CSK: variants seen among roughly 807,000 people sequenced by gnomAD.
CSK encodes the protein tyrosine-protein kinase CSK.
Under a neutral mutation model 62.3 loss-of-function variants are expected in CSK, and 7 were observed. The ratio of observed to expected loss-of-function variants is 0.11; its 90% CI spans 0.06 to 0.21. CSK has a LOEUF of 0.21. CSK is among the 10% of genes least tolerant of loss of function. The pLI, the probability that CSK is intolerant of heterozygous loss-of-function variation, is 1.00. For missense variants in CSK, 294 were observed against 613.5 expected, an observed-to-expected ratio of 0.48 and a Z score of 5.50; for synonymous variants, 237 against 246.0, an observed-to-expected ratio of 0.96 and a Z score of 0.34.
chr15:74,791,377 C>G (rs1422410127), intron 1 of CSK, among the ~76,000 whole-genome samples: 1 of 152,138 alleles, frequency 6.6e-6, no homozygotes, highest in East Asian at 1.9e-4. Flanking sequence ...CACATTTACT[C>G]TATCTCTTCT....
At chr15:74,796,770 GAAAACCAACCCCAGAGGTCCC>G (rs2063713143) in intron 1 of CSK, among the ~76,000 whole-genome samples, 1 of 152,106 alleles carries the variant, frequency 6.6e-6, no homozygotes. Flanking sequence ...CAGACAGTCT[GAAAACCAACCCCAGAGGTCCC>G]CTTGCATTCC....
chr15:74,798,856 G>T lies in CSK; in HGVS notation c.160G>T (p.Val54Leu), dbSNP rs745947125. 6.3e-7 allele frequency: 1 copy of T among 1,583,480 alleles called. No homozygotes were observed. The highest frequency in any genetic ancestry group is 2.2e-5 in the East Asian group (1 of 44,650). The change falls in exon 4 of 13, where the codon GTG (valine) becomes TTG (leucine). Residue 54 changes from valine (V) to leucine (L), a missense_variant. This residue lies in a region of CSK where 202 missense variants were observed against 415.7 expected (regional missense o/e 0.49). Coordinates refer to ENST00000220003, the MANE Select transcript of CSK (RefSeq NM_004383.3). The surrounding 1 kb of genome is among the most constrained non-coding windows in gnomAD (Gnocchi z 6.6). ...CAACTGGTACAAAGCCAAAAACAAG[G>T]TGGGCCGTGAGGGCATCATCCCAGC... ...DPNWYKAKNKVGREGIIPANY... is the reference protein window; with the variant it reads ...DPNWYKAKNKLGREGIIPANY...
intron 1 of CSK, among the ~76,000 whole-genome samples, chr15:74,789,969 G>A (rs966277357): frequency 6.6e-6 from 1 of 152,332 alleles, no homozygotes; most frequent in Admixed American, 6.5e-5. Flanking sequence ...GTCCCCAAAG[G>A]CAGGACCTCT....
Position 74,800,890 on chromosome 15 carries a change from C to T in CSK, c.690C>T (p.Ala230=). The part of the protein sequence containing the change: ...AVKCIKNDAT[A]QAFLAEASVM... The stretch of plus-strand genomic sequence containing the variant: ...AGTGCATTAAGAACGACGCCACTGC[C>T]CAGGCCTTCCTGGCTGAAGCCTCAG... Residue 230 remains alanine, a synonymous_variant, in exon 8 of 13, where the codon GCC becomes GCT. Coordinates refer to ENST00000220003, the MANE Select transcript of CSK (RefSeq NM_004383.3). 1.9e-6 allele frequency: 3 copies of T among 1,613,176 alleles called. No individual in the cohort carries two copies. Among genetic ancestry groups the T allele is most frequent in the Non-Finnish European group, 2.5e-6 (3 of 1,180,022 alleles).
chr15:74,801,817 A>G lies in CSK; in HGVS notation c.1010A>G (p.Lys337Arg). The change falls in exon 11 of 13, where the codon AAG becomes AGG. Residue 337 changes from lysine to arginine, a missense_variant. Transcript: ENST00000220003. ...AAGGTCAGCGACTTTGGTCTCACCA[A>G]GGAGGCGTCCAGCACCCAGGACACG... ...VAKVSDFGLT[K>R]EASSTQDTGK... 1 of 1,613,928 alleles carries G rather than the reference A, an allele frequency of 6.2e-7. No individual in the cohort carries two copies. Among genetic ancestry groups the G allele is most frequent in the Non-Finnish European group, 8.5e-7 (1 of 1,180,008 alleles).
chr15:74,793,457 G>T (rs2063656288), intron 1 of CSK, among the ~76,000 whole-genome samples: 1 of 152,208 alleles, frequency 6.6e-6, no homozygotes, highest in Admixed American at 6.5e-5. Context: ...CCTGGGGCCT[G>T]TCCGGCAGGG....
chr15:74,801,326 T>TA (rs2063789336), intron 9 of CSK, among the ~76,000 whole-genome samples, 196 bp from the exon 10 acceptor site: 1 of 152,040 alleles, frequency 6.6e-6, no homozygotes, highest in Non-Finnish European at 1.5e-5. Flanking sequence ...AATAACAACT[T>TA]AGAGATTTGT....
intron 1 of CSK, among the ~76,000 whole-genome samples, chr15:74,786,108 C>G (rs751105668): frequency 1.3e-4 from 20 of 150,344 alleles, no homozygotes; most frequent in Middle Eastern, 3.4e-3. Context: ...TCACCACAAC[C>G]TCCGGCTCCC....
At chr15:74,801,647 G>A in intron 10 of CSK, 48 bp from the exon 11 acceptor site, 1 of 1,610,446 alleles carries the variant, frequency 6.2e-7, no homozygotes. Flanking sequence ...ACCCTGCCCT[G>A]CTATGGGAGC....
At chr15:74,790,193 C>T (rs1230141366) in intron 1 of CSK, among the ~76,000 whole-genome samples, 2 of 152,238 alleles carry the variant, frequency 1.3e-5, no homozygotes, top group African/African-American at 4.8e-5. Flanking sequence ...CCCTGAGTTC[C>T]CCCAGGTCTT....
At chr15:74,800,660 C>T (rs921480428) in intron 6 of CSK, 21 bp from the exon 7 acceptor site, 24 of 1,539,924 alleles carry the variant, frequency 1.6e-5, no homozygotes, top group Non-Finnish European at 2.1e-5. Flanking sequence ...CCTCCAGGCC[C>T]TCACTGGCCC....
intron 9 of CSK, 88 bp downstream of exon 9, chr15:74,801,190 C>T: frequency 1.4e-6 from 2 of 1,475,044 alleles, no homozygotes; most frequent in Non-Finnish European, 1.9e-6. Flanking sequence ...CCTCAGTCCC[C>T]CGACCCCAAG....
Position 74,798,414 on chromosome 15 carries a change from C to CT in CSK, c.15+107dup. ...ATGCAGCTTAGATCAACCCACTCCC[C>CT]TTTTTCCCAGCACTCAGTCAGGTAC... On this transcript the variant is annotated intron_variant, in intron 2 of 12. Coordinates refer to ENST00000220003, the MANE Select transcript of CSK (RefSeq NM_004383.3). The surrounding 1 kb of genome is among the most constrained non-coding windows in gnomAD (Gnocchi z 6.6). The CT allele has an allele frequency of 6.8e-7, 1 of 1,468,632 alleles. No individual in the cohort carries two copies. Among genetic ancestry groups the CT allele is most frequent in the Non-Finnish European group, 9.3e-7 (1 of 1,069,794 alleles). The allele number at this position is 1,468,632 out of a possible 1,614,324, so 91.0% of individuals were successfully genotyped here.
Position 74,799,308 on chromosome 15 carries a change from G to A in CSK, c.279G>A (p.Glu93=), listed in dbSNP as rs1007741728. 6 of 1,611,546 alleles carry A rather than the reference G, an allele frequency of 3.7e-6. No individual in the cohort carries two copies. The African/African-American group carries it at 6.7e-5, about 18-fold the overall frequency. ...GCAAGATCACACGGGAGCAGGCTGA[G>A]CGGCTTCTGTACCCGCCGGAGACAG... The part of the protein sequence containing the change: ...FHGKITREQA[E]RLLYPPETGL... Residue 93 remains glutamate (E), a synonymous_variant, in exon 5 of 13, where the codon GAG becomes GAA. Coordinates refer to ENST00000220003, the MANE Select transcript of CSK (RefSeq NM_004383.3).
At position 74,798,918 on chromosome 15, in the gene CSK, T is replaced by C. The variant is rs768133269; in HGVS notation, c.222T>C (p.Gly74=). ...AGAAGCGGGAGGGCGTGAAGGCGGG[T>C]ACCAAACTCAGCCTCATGCCGTGAG... ...YVQKREGVKA[G]TKLSLMPWFH... Residue 74 remains glycine (G), a synonymous_variant, in exon 4 of 13, where the codon GGT becomes GGC. Transcript: ENST00000220003. This position sits in a 1 kb window ranked among gnomAD's most constrained non-coding sequence, Gnocchi z 6.6. The C allele has an allele frequency of 6.5e-7, 1 of 1,532,336 alleles. No homozygotes were observed. The highest frequency in any genetic ancestry group is 8.8e-7 in the Non-Finnish European group (1 of 1,140,478). The allele number at this position is 1,532,336 out of a possible 1,614,324, so 94.9% of individuals were successfully genotyped here. A position where few individuals can be genotyped will look rare whatever the true frequency, so the allele number is the denominator to read the frequency against.
intron 1 of CSK, among the ~76,000 whole-genome samples, chr15:74,787,232 A>AAAGAGCTGGTGAAGG (rs915392368): frequency 6.6e-6 from 1 of 152,202 alleles, no homozygotes; most frequent in African/African-American, 2.4e-5. Flanking sequence ...ACCTAAAAAT[A>AAAGAGCTGGTGAAGG]AAGAGCTGGT....
In CSK at chr15:74,800,670, C is replaced by A; in HGVS notation, c.557-11C>A. 1 of 1,543,426 alleles carries A rather than the reference C, an allele frequency of 6.5e-7. No individual in the cohort carries two copies. The highest frequency in any genetic ancestry group is 8.8e-7 in the Non-Finnish European group (1 of 1,142,004). On this transcript the variant is annotated splice_polypyrimidine_tract_variant and intron_variant, in intron 6 of 12. Transcript: ENST00000220003. ...AGTGGCCTCCAGGCCCTCACTGGCC[C>A]CTCCCCACAGGCGGCTGGGCCCTGA... is the stretch of plus-strand genomic sequence containing the variant.
At chr15:74,784,399 T>A (rs562485239) in intron 1 of CSK, among the ~76,000 whole-genome samples, 18 of 149,712 alleles carry the variant, frequency 1.2e-4, no homozygotes, top group South Asian at 4.2e-4. Flanking sequence ...TTTTAATTTT[T>A]ATTTTATTTT....
At chr15:74,789,842 C>T (rs1483189870) in intron 1 of CSK, among the ~76,000 whole-genome samples, 1 of 152,228 alleles carries the variant, frequency 6.6e-6, no homozygotes, top group Non-Finnish European at 1.5e-5. Context: ...ACATACCAGG[C>T]CATGGCTGAC....
Sources: allele counts gnomAD v4.1 joint callset (sites outside exome capture counted in the v4.1 genomes callset), GRCh38; gene constraint gnomAD v4.1.1; regional missense constraint gnomAD v4.1.1; non-coding constraint Gnocchi (gnomAD v3.1); transcripts MANE v1.5; gene names NCBI Gene and HGNC (gene_info 2026-07-23, HGNC 2026-07-21).